MINK1: variants seen among roughly 807,000 people sequenced by gnomAD.
The protein encoded by MINK1 is misshapen like kinase 1.
A neutral mutation model predicts 178.4 loss-of-function variants in MINK1; 46 were observed. The observed-to-expected ratio is 0.26, with a 90% CI of 0.20 to 0.33. The LOEUF (loss-of-function observed/expected upper bound fraction) is 0.33. Ranked by LOEUF, MINK1 falls within the 10% of genes least tolerant of loss-of-function variation. The pLI is 1.00. For synonymous variants in MINK1, 797 were observed against 709.7 expected (o/e 1.12, Z -1.96); for missense variants, 1,366 against 1,814.9 (o/e 0.75, Z 4.49).
At chr17:4,849,262 C>T (rs1055666551) in intron 1 of MINK1, among the ~76,000 whole-genome samples, 1 of 152,196 alleles carries the variant, frequency 6.6e-6, no homozygotes, top group Admixed American at 6.5e-5. Context: ...TGGGCAGTCA[C>T]TCTGGCCCTG....
Position 4,833,761 on chromosome 17 carries a change from C to A in MINK1, c.57+121C>A, listed in dbSNP as rs975383767. ...CCTCCACCAGCTTGGGTCCCCTTGG[C>A]GACCCGTGCCCCTTTCCCGGACTCC... is the stretch of plus-strand genomic sequence containing the variant. On this transcript the variant is annotated intron_variant, in intron 1 of 31. Coordinates refer to ENST00000355280, the MANE Select transcript of MINK1 (RefSeq NM_153827.5). This position sits in a 1 kb window ranked among gnomAD's most constrained non-coding sequence, Gnocchi z 4.8. 6.6e-6 allele frequency: 5 copies of A among 759,544 alleles called. No individual in the cohort carries two copies. In the South Asian group the frequency reaches 8.4e-5, roughly 13 times the overall value. 47.1% of individuals were successfully genotyped at this position (759,544 alleles called of 1,614,324 possible).
intron 15 of MINK1, 43 bp downstream of exon 15, chr17:4,891,167 CT>C: frequency 6.9e-7 from 1 of 1,446,980 alleles, no homozygotes; most frequent in South Asian, 1.4e-5. Flanking sequence ...ACACAGGGAG[CT>C]TTGTTCAGAG....
intron 1 of MINK1, among the ~76,000 whole-genome samples, chr17:4,861,104 C>T (rs1262239294): frequency 6.6e-6 from 1 of 152,136 alleles, no homozygotes; most frequent in Non-Finnish European, 1.5e-5. Flanking sequence ...AAATCAGCGA[C>T]GATTTGGTGA....
At chr17:4,855,190 TA>T (rs151257228) in intron 1 of MINK1, among the ~76,000 whole-genome samples, 10,575 of 130,076 alleles carry the variant, frequency 0.081, 417 homozygotes, top group Middle Eastern at 0.11. Flanking sequence ...ACTCCTGTCT[TA>T]AAAAAAAAAA....
At chr17:4,860,198 G>T (rs961722146) in intron 1 of MINK1, among the ~76,000 whole-genome samples, 6 of 152,350 alleles carry the variant, frequency 3.9e-5, no homozygotes, top group Non-Finnish European at 7.3e-5. Context: ...CCACTTCCAA[G>T]AAATGTGACC....
At position 4,896,223 on chromosome 17, in the gene MINK1, C is replaced by G. The variant is rs376683334; in HGVS notation, c.3496C>G (p.Leu1166Val). Residue 1166 changes from leucine (L) to valine (V), a missense_variant, in exon 29 of 32, where the codon CTG becomes GTG. Physicochemically the swap from Leu to Val is conservative, Grantham distance 32. Coordinates refer to ENST00000355280, the MANE Select transcript of MINK1 (RefSeq NM_153827.5). This position sits in a 1 kb window ranked among gnomAD's most constrained non-coding sequence, Gnocchi z 4.6. Reference protein sequence around the residue: ...SFADLPHRPLLVDLTVEEGQR... With the variant: ...SFADLPHRPLVVDLTVEEGQR... ...TGCCGACCTCCCCCACCGCCCTCTG[C>G]TGGTCGACCTGACAGTAGAGGAGGG... 14 of 1,601,128 alleles carry G rather than the reference C, an allele frequency of 8.7e-6. No homozygotes were observed. The highest frequency in any genetic ancestry group is 1.7e-5 in the Admixed American group (1 of 58,972).
chr17:4,847,138 A>G lies in MINK1; in HGVS notation c.57+13498A>G, dbSNP rs114472755. ...TGTCAGTGGGAGGCCTGCTAACACA[A>G]CGGGCTGTTTGACTTTGCCTTTGAG... On this transcript the variant is annotated intron_variant, in intron 1 of 31. Transcript: ENST00000355280. The G allele has an allele frequency of 3.2e-3, 1,519 of 470,232 alleles. 31 individuals carry two copies. The East Asian group carries it at 0.056, about 17-fold the overall frequency. 29.1% of individuals were successfully genotyped at this position (470,232 alleles called of 1,614,324 possible). A position where few individuals can be genotyped will look rare whatever the true frequency, so the allele number is the denominator to read the frequency against.
In MINK1 at chr17:4,895,578, C is replaced by G; in HGVS notation, c.3229+85C>G. On this transcript the variant is annotated intron_variant, in intron 26 of 31. Coordinates refer to ENST00000355280, the MANE Select transcript of MINK1 (RefSeq NM_153827.5). The surrounding 1 kb of genome is among the most constrained non-coding windows in gnomAD (Gnocchi z 4.3). The stretch of plus-strand genomic sequence containing the variant: ...CTTCTGCCTGGGAGGAGGGCAGGCA[C>G]TGGAAGGTGGGGCCACACTTTCTCA... 6.5e-7 allele frequency: 1 copy of G among 1,546,930 alleles called. No individual in the cohort carries two copies. Among genetic ancestry groups the G allele is most frequent in the Non-Finnish European group, 8.7e-7 (1 of 1,143,242 alleles).
At chr17:4,891,320 T>G in intron 15 of MINK1, 136 bp from the exon 16 acceptor site, 14 of 1,293,216 alleles carry the variant, frequency 1.1e-5, no homozygotes, top group Non-Finnish European at 1.4e-5. Flanking sequence ...GACTTAGCTG[T>G]CATCAGGCTC....
intron 21 of MINK1, 46 bp downstream of exon 21, chr17:4,893,643 G>A: frequency 6.7e-7 from 1 of 1,500,636 alleles, no homozygotes. Context: ...GCACAGGGAG[G>A]GAGGGGAAGT....
chr17:4,844,852 TG>T (rs1567558450), intron 1 of MINK1, among the ~76,000 whole-genome samples: 2 of 152,190 alleles, frequency 1.3e-5, no homozygotes, highest in Non-Finnish European at 2.9e-5. Context: ...TTTTTTAATG[TG>T]ATTAAGTATA....
At chr17:4,879,736 A>G (rs1311309251) in intron 2 of MINK1, among the ~76,000 whole-genome samples, 1 of 152,228 alleles carries the variant, frequency 6.6e-6, no homozygotes, top group African/African-American at 2.4e-5. Flanking sequence ...CACACTCAAG[A>G]AGAGGAAGTT....
intron 1 of MINK1, chr17:4,875,537 C>T (rs774569593): frequency 8.9e-6 from 4 of 451,520 alleles, no homozygotes; most frequent in Non-Finnish European, 1.8e-5. Flanking sequence ...CCTTGGGAGG[C>T]TGAGGTGGGT....
chr17:4,868,939 T>A (rs1430094090), intron 1 of MINK1: 7 of 197,650 alleles, frequency 3.5e-5, no homozygotes, highest in South Asian at 1.1e-4. Flanking sequence ...TTATTTATTT[T>A]TTGAGGTGGA....
intron 1 of MINK1, chr17:4,854,707 C>T (rs972752319): frequency 3.8e-5 from 18 of 471,310 alleles, no homozygotes; most frequent in African/African-American, 2.4e-4. Flanking sequence ...GGCCTGATTT[C>T]CTCCCCTCCA....
chr17:4,859,917 C>T (rs1207226903), intron 1 of MINK1, among the ~76,000 whole-genome samples: 2 of 151,792 alleles, frequency 1.3e-5, no homozygotes, highest in South Asian at 4.1e-4. Context: ...AAACCAACAC[C>T]GTAGGAACTA....
At chr17:4,851,144 T>C (rs549631624) in intron 1 of MINK1, 44 of 399,082 alleles carry the variant, frequency 1.1e-4, no homozygotes, top group Non-Finnish European at 2.0e-4. Flanking sequence ...TTTTGGTAAA[T>C]CACTTTTTGC....
intron 1 of MINK1, among the ~76,000 whole-genome samples, chr17:4,866,191 G>A (rs1914929214): frequency 6.6e-6 from 1 of 152,184 alleles, no homozygotes; most frequent in African/African-American, 2.4e-5. Flanking sequence ...TTTTGGGCCA[G>A]ACGCGGTGGT....
At chr17:4,839,266 C>T (rs57610224) in intron 1 of MINK1, among the ~76,000 whole-genome samples, 5 of 152,300 alleles carry the variant, frequency 3.3e-5, no homozygotes, top group East Asian at 1.9e-4. Flanking sequence ...TTAACTGTTA[C>T]TGTTTTCCTC....
Sources: gnomAD v4.1 joint callset for allele counts (sites outside exome capture counted in the v4.1 genomes callset) on GRCh38, gnomAD v4.1.1 for gene constraint, Gnocchi (gnomAD v3.1) non-coding constraint, MANE v1.5 for transcripts, NCBI Gene and HGNC (gene_info 2026-07-23, HGNC 2026-07-21) for gene names.